DRD4: variants seen among roughly 807,000 people sequenced by gnomAD.
The protein encoded by DRD4 is dopamine receptor D4.
A neutral mutation model predicts 22.1 loss-of-function variants in DRD4; 26 were observed. The observed-to-expected ratio is 1.17, with a 90% CI of 0.86 to 1.63. The LOEUF (loss-of-function observed/expected upper bound fraction) is 1.63, where lower values mean the gene tolerates loss of function less well. Among genes scored for constraint, DRD4 ranks in the 40% most tolerant of loss-of-function variants. The pLI, the probability that DRD4 is intolerant of heterozygous loss-of-function variation, is 0.00. For synonymous variants in DRD4, 455 were observed against 306.7 expected (o/e 1.48, Z -5.05); for missense variants, 913 against 632.4 (o/e 1.44, Z -4.76).
intron 1 of DRD4, chr11:639,137 C>A (rs897707846): frequency 2.1e-5 from 9 of 435,270 alleles, no homozygotes; most frequent in Middle Eastern, 6.6e-4. Flanking sequence ...CGGCTGTAAT[C>A]CCAGCTACTC....
chr11:637,485 A>C lies in DRD4; in HGVS notation c.181A>C (p.Thr61Pro), dbSNP rs762796731. ...GNSLVCVSVA[T>P]ERALQTPTNS... is the part of the protein sequence containing the mutation. Reference sequence around the variant, plus strand: ...CTCGCTCGTGTGCGTGAGCGTGGCCACCGAGCGCGCCCTGCAGACGCCCAC... The same window carrying C: ...CTCGCTCGTGTGCGTGAGCGTGGCCCCCGAGCGCGCCCTGCAGACGCCCAC... Residue 61 changes from threonine (T) to proline (P), a missense_variant, in exon 1 of 4, where the codon ACC becomes CCC. By Grantham distance (38) the Thr-to-Pro change is conservative (BLOSUM62 -1). Coordinates refer to ENST00000176183, the MANE Select transcript of DRD4 (RefSeq NM_000797.4). 2.7e-5 allele frequency: 42 copies of C among 1,544,440 alleles called. No individual in the cohort carries two copies. The highest frequency in any genetic ancestry group is 3.6e-5 in the Non-Finnish European group (41 of 1,150,788).
chr11:640,391 G>A lies in DRD4; in HGVS notation c.1058-10G>A. ...GCGGGGGGCGCTAACGCGGCTCTCG[G>A]CGCCCCCAGGGGCCTTCCTGCTGTG... On this transcript the variant is annotated splice_polypyrimidine_tract_variant and intron_variant, in intron 3 of 3. Coordinates refer to ENST00000176183, the MANE Select transcript of DRD4 (RefSeq NM_000797.4). The A allele has an allele frequency of 1.3e-6, 2 of 1,597,060 alleles. No individual in the cohort carries two copies. Among genetic ancestry groups the A allele is most frequent in the Non-Finnish European group, 8.5e-7 (1 of 1,178,778 alleles).
At position 637,373 on chromosome 11, in the gene DRD4, T is replaced by C. The variant is rs956983830; in HGVS notation, c.69T>C (p.Ser23=). ...GGCGCGGGCCGGCCGCGGGGGCATC[T>C]GCGGGGGCATCTGCGGGGCTGGCTG... ...LAGRGPAAGA[S]AGASAGLAGQ... Residue 23 remains serine, a synonymous_variant, in exon 1 of 4, where the codon TCT becomes TCC. Transcript: ENST00000176183. 5.9e-5 allele frequency: 69 copies of C among 1,173,572 alleles called. No individual in the cohort carries two copies. In the African/African-American group the frequency reaches 1.1e-3, roughly 19 times the overall value. The allele number at this position is 1,173,572 out of a possible 1,614,324, so 72.7% of individuals were successfully genotyped here.
Position 637,559 on chromosome 11 carries a change from C to G in DRD4, c.255C>G (p.Leu85=), listed in dbSNP as rs562223161. 1.9e-6 allele frequency: 3 copies of G among 1,558,504 alleles called. No homozygotes were observed. The highest frequency in any genetic ancestry group is 2.4e-5 in the South Asian group (2 of 85,072). ...CGGCCGCCGACCTCCTCCTCGCTCT[C>G]CTGGTGCTGCCGCTCTTCGTCTACT... is the stretch of plus-strand genomic sequence containing the variant. The part of the protein sequence containing the change: ...SLAAADLLLA[L]LVLPLFVYSE... Residue 85 remains leucine, a synonymous_variant, in exon 1 of 4, where the codon CTC becomes CTG. Transcript: ENST00000176183.
chr11:637,587 G>C lies in DRD4; in HGVS notation c.283G>C (p.Glu95Gln). 6.5e-7 allele frequency: 1 copy of C among 1,546,980 alleles called. No individual in the cohort carries two copies. Among genetic ancestry groups the C allele is most frequent in the Non-Finnish European group, 8.7e-7 (1 of 1,150,006 alleles). Reference protein sequence around the residue: ...LLVLPLFVYSEVQGGAWLLSP... With the variant: ...LLVLPLFVYSQVQGGAWLLSP... ...GGTGCTGCCGCTCTTCGTCTACTCC[G>C]AGGTGAGCCGCGTCCGGCCGCACGA... The change falls in exon 1 of 4, where the codon GAG becomes CAG. Residue 95 changes from glutamate (E) to glutamine (Q), a missense_variant and splice_region_variant. Transcript: ENST00000176183.
Position 640,123 on chromosome 11 carries a change from C to A in DRD4, c.874C>A (p.Pro292Thr). 3.5e-6 allele frequency: 5 copies of A among 1,421,730 alleles called. No homozygotes were observed. Among genetic ancestry groups the A allele is most frequent in the South Asian group, 1.4e-5 (1 of 71,216 alleles). 88.1% of individuals were successfully genotyped at this position (1,421,730 alleles called of 1,614,324 possible). The change falls in exon 3 of 4, where the codon CCC becomes ACC. Residue 292 changes from proline (P) to threonine (T), a missense_variant. Physicochemically the swap from Pro to Thr is conservative, Grantham distance 38. Transcript: ENST00000176183. ...APSLPQDPCGPDCAPPAPGLP... is the reference protein window; with the variant it reads ...APSLPQDPCGTDCAPPAPGLP... ...CAGCCTCCCCCAGGACCCCTGCGGC[C>A]CCGACTGTGCGCCCCCCGCGCCCGG...
In DRD4 at chr11:639,260, A is replaced by C. The variant is rs542952606; in HGVS notation, c.286-173A>C. On this transcript the variant is annotated intron_variant, in intron 1 of 3. Coordinates refer to ENST00000176183, the MANE Select transcript of DRD4 (RefSeq NM_000797.4). ...ACACAGCGAGACCCTAACTCAAAAC[A>C]AAGGGAGATCTGCGTGGGGAAGGGG... 27 of 643,996 alleles carry C rather than the reference A, an allele frequency of 4.2e-5. No individual in the cohort carries two copies. In the Middle Eastern group the frequency reaches 1.2e-3, roughly 30 times the overall value. The allele number at this position is 643,996 out of a possible 1,614,324, so 39.9% of individuals were successfully genotyped here. A position where few individuals can be genotyped will look rare whatever the true frequency, so the allele number is the denominator to read the frequency against.
intron 1 of DRD4, among the ~76,000 whole-genome samples, chr11:638,053 C>T (rs947199702): frequency 6.6e-6 from 1 of 152,186 alleles, no homozygotes; most frequent in Non-Finnish European, 1.5e-5. Context: ...TGCTGGCACA[C>T]CCCCAGAAGG....
rs369869458 is a variant in DRD4, at chr11:640,606, C to G, written c.*3C>G. ...AGGCCCTGCGTGCCTGCTGCTGAGC[C>G]GGGCACCCCCGGACGCCCCCCGGCC... is the stretch of plus-strand genomic sequence containing the variant. On this transcript the variant is annotated 3_prime_UTR_variant, in exon 4 of 4. Transcript: ENST00000176183. 56 of 1,599,168 alleles carry G rather than the reference C, an allele frequency of 3.5e-5. No homozygotes were observed. In the Middle Eastern group the frequency reaches 1.5e-3, roughly 42 times the overall value.
chr11:638,744 C>G (rs1049305410), intron 1 of DRD4, among the ~76,000 whole-genome samples: 1 of 152,032 alleles, frequency 6.6e-6, no homozygotes, highest in Non-Finnish European at 1.5e-5. Context: ...CCTTTGAGCC[C>G]GATGATATCA....
chr11:640,561 G>A lies in DRD4; in HGVS notation c.1218G>A (p.Glu406=), dbSNP rs142719624. 1.9e-6 allele frequency: 3 copies of A among 1,599,860 alleles called. No homozygotes were observed. The highest frequency in any genetic ancestry group is 2.7e-5 in the African/African-American group (2 of 74,942). ...NPVIYTVFNA[E]FRNVFRKALR... is the part of the protein sequence containing the mutation. ...TCATCTACACTGTCTTCAACGCCGA[G>A]TTCCGCAACGTCTTCCGCAAGGCCC... The change falls in exon 4 of 4, where the codon GAG becomes GAA. Residue 406 remains glutamate, a synonymous_variant. Coordinates refer to ENST00000176183, the MANE Select transcript of DRD4 (RefSeq NM_000797.4).
chr11:639,567 CGCCCCGG>C, intron 2 of DRD4, 22 bp downstream of exon 2: 1 of 1,403,206 alleles, frequency 7.1e-7, no homozygotes, highest in Non-Finnish European at 9.3e-7. Context: ...TCCCCGCCCG[CGCCCCGG>C]CGCCCCCGCG....
chr11:637,791 C>T (rs1858098141), intron 1 of DRD4, among the ~76,000 whole-genome samples: 1 of 152,206 alleles, frequency 6.6e-6, no homozygotes. Flanking sequence ...GCTGTCTGTC[C>T]CCCGACCCTC....
chr11:639,831 C>T lies in DRD4; in HGVS notation c.582C>T (p.Val194=), dbSNP rs747820106. ...GCCTGGAGGACCGCGACTACGTGGT[C>T]TACTCGTCCGTGTGCTCCTTCTTCC... ...VCRLEDRDYV[V]YSSVCSFFLP... The change falls in exon 3 of 4, where the codon GTC becomes GTT. Residue 194 remains valine, a synonymous_variant. Transcript: ENST00000176183. The T allele has an allele frequency of 1.3e-6, 2 of 1,585,650 alleles. No individual in the cohort carries two copies. The highest frequency in any genetic ancestry group is 3.4e-5 in the Admixed American group (2 of 59,038).
chr11:640,588 G>A lies in DRD4; in HGVS notation c.1245G>A (p.Leu415=). 7 of 1,599,630 alleles carry A rather than the reference G, an allele frequency of 4.4e-6. No homozygotes were observed. Among genetic ancestry groups the A allele is most frequent in the Non-Finnish European group, 5.9e-6 (7 of 1,179,836 alleles). Residue 415 remains leucine, a synonymous_variant, in exon 4 of 4, where the codon CTG becomes CTA. Coordinates refer to ENST00000176183, the MANE Select transcript of DRD4 (RefSeq NM_000797.4). ...TCCGCAACGTCTTCCGCAAGGCCCT[G>A]CGTGCCTGCTGCTGAGCCGGGCACC... ...AEFRNVFRKA[L]RACC is the part of the protein sequence containing the mutation.
At chr11:639,310 C>T (rs1858142566) in intron 1 of DRD4, 123 bp from the exon 2 acceptor site, 5 of 910,632 alleles carry the variant, frequency 5.5e-6, no homozygotes, top group South Asian at 1.4e-5. Context: ...GTCCTCTGGC[C>T]TCTGGCTCAC....
At chr11:637,753 C>T (rs907074510) in intron 1 of DRD4, among the ~76,000 whole-genome samples, 164 bp downstream of exon 1, 1 of 152,126 alleles carries the variant, frequency 6.6e-6, no homozygotes, top group Admixed American at 6.5e-5. Flanking sequence ...CACCCACCGC[C>T]GCCACCTCGC....
chr11:637,516 CCTT>C lies in DRD4; in HGVS notation c.214_216del (p.Phe72del), dbSNP rs1201156430. 15 of 1,564,404 alleles carry C rather than the reference CCTT, an allele frequency of 9.6e-6. No individual in the cohort carries two copies. The highest frequency in any genetic ancestry group is 1.0e-5 in the Non-Finnish European group (12 of 1,160,292). Reference sequence around the variant, plus strand: ...CGCGCCCTGCAGACGCCCACCAACTCCTTCATCGTGAGCCTGGCGGCCGCCGAC... The same window carrying C: ...CGCGCCCTGCAGACGCCCACCAACTCCATCGTGAGCCTGGCGGCCGCCGAC... On this transcript the variant is annotated inframe_deletion, in exon 1 of 4. Transcript: ENST00000176183.
chr11:639,549 C>T lies in DRD4; in HGVS notation c.398+4C>T, dbSNP rs779149166. 7 of 1,507,868 alleles carry T rather than the reference C, an allele frequency of 4.6e-6. No homozygotes were observed. Among genetic ancestry groups the T allele is most frequent in the African/African-American group, 2.9e-5 (2 of 69,114 alleles). The allele number at this position is 1,507,868 out of a possible 1,614,324, so 93.4% of individuals were successfully genotyped here. A position where few individuals can be genotyped will look rare whatever the true frequency, so the allele number is the denominator to read the frequency against. On this transcript the variant is annotated splice_donor_region_variant and intron_variant, in intron 2 of 3. Transcript: ENST00000176183. ...TGTGCGCCATCAGCGTGGACAGGTGCGCCGCCCTCCCCGCCCGCGCCCCGG... is the reference window on the plus strand; with the variant it reads ...TGTGCGCCATCAGCGTGGACAGGTGTGCCGCCCTCCCCGCCCGCGCCCCGG...
Sources: allele counts gnomAD v4.1 joint callset (sites outside exome capture counted in the v4.1 genomes callset), GRCh38; gene constraint gnomAD v4.1.1; transcripts MANE v1.5; gene names NCBI Gene and HGNC (gene_info 2026-07-23, HGNC 2026-07-21).